CCDC33: variants seen among roughly 807,000 people sequenced by gnomAD.
CCDC33 encodes the protein coiled-coil domain containing 33, also known as coiled-coil domain-containing protein 33.
A neutral mutation model predicts 91.9 loss-of-function variants in CCDC33; 94 were observed. That is an observed-to-expected ratio of 1.02 (90% CI 0.87 to 1.21). CCDC33 has a LOEUF of 1.21. Ranked by LOEUF, CCDC33 falls within the 50% of genes most tolerant of loss-of-function variation. CCDC33 has a pLI of 0.00. For missense variants in CCDC33, 940 were observed against 935.5 expected (o/e 1.00, Z -0.06); for synonymous variants, 396 against 374.5 (o/e 1.06, Z -0.66).
intron 15 of CCDC33, 82 bp from the exon 16 acceptor site, chr15:74,332,597 A>C: frequency 2.0e-6 from 3 of 1,498,400 alleles, no homozygotes; most frequent in Non-Finnish European, 2.7e-6. Flanking sequence ...GGCAGATTGA[A>C]GCAAAATGCT....
At chr15:74,330,801 C>T in intron 13 of CCDC33, 50 bp downstream of exon 13, 1 of 1,550,464 alleles carries the variant, frequency 6.4e-7, no homozygotes, top group Non-Finnish European at 8.9e-7. Flanking sequence ...GGTGGGGGAG[C>T]ATCGGGGTGA....
intron 2 of CCDC33, among the ~76,000 whole-genome samples, chr15:74,257,108 G>C (rs934606092): frequency 2.6e-5 from 4 of 152,218 alleles, no homozygotes; most frequent in African/African-American, 9.6e-5. Context: ...TTACTCCAGA[G>C]TCAGTTATTC....
intron 2 of CCDC33, among the ~76,000 whole-genome samples, chr15:74,222,325 C>T (rs2074622049): frequency 6.6e-6 from 1 of 152,116 alleles, no homozygotes; most frequent in Non-Finnish European, 1.5e-5. Flanking sequence ...GCTCTGGGAG[C>T]CATCCTGGGG....
chr15:74,277,243 A>G (rs936053888), intron 7 of CCDC33, among the ~76,000 whole-genome samples: 1 of 152,246 alleles, frequency 6.6e-6, no homozygotes, highest in African/African-American at 2.4e-5. Context: ...AAGGCCACAC[A>G]GCAAGGTTGA....
upstream of CCDC33, among the ~76,000 whole-genome samples, chr15:74,214,284 T>G (rs748848944): frequency 6.6e-6 from 1 of 152,070 alleles, no homozygotes; most frequent in African/African-American, 2.4e-5. Context: ...AGGGCCCCAT[T>G]AAGGTCTTTC....
intron 12 of CCDC33, 98 bp downstream of exon 12, chr15:74,330,452 A>G (rs1352449420): frequency 1.5e-6 from 2 of 1,356,386 alleles, no homozygotes; most frequent in African/African-American, 2.9e-5. Flanking sequence ...CCAGATGTGC[A>G]TGCTGCTGGA....
intron 11 of CCDC33, among the ~76,000 whole-genome samples, chr15:74,296,409 G>A (rs941040621): frequency 9.9e-5 from 15 of 152,140 alleles, no homozygotes; most frequent in African/African-American, 2.7e-4. Flanking sequence ...CGGGTCACCC[G>A]AGGTCGGGAG....
intron 3 of CCDC33, 56 bp from the exon 4 acceptor site, chr15:74,266,622 G>T: frequency 8.3e-7 from 1 of 1,207,504 alleles, no homozygotes; most frequent in Non-Finnish European, 1.2e-6. Context: ...TCTCCTTACT[G>T]GGAGAGAAAG....
chr15:74,291,710 C>G (rs889922012), intron 10 of CCDC33, among the ~76,000 whole-genome samples: 21 of 152,218 alleles, frequency 1.4e-4, no homozygotes, highest in African/African-American at 5.1e-4. Flanking sequence ...CAGGCTGGAA[C>G]TGCTGCATTT....
chr15:74,332,645 C>G (rs776335248), intron 15 of CCDC33, 34 bp from the exon 16 acceptor site: 1 of 1,606,424 alleles, frequency 6.2e-7, no homozygotes, highest in South Asian at 1.1e-5. Flanking sequence ...AGCAGGAGAG[C>G]CCATCTCACC....
chr15:74,250,189 C>A (rs1409982605), intron 2 of CCDC33, among the ~76,000 whole-genome samples: 1 of 152,218 alleles, frequency 6.6e-6, no homozygotes, highest in Non-Finnish European at 1.5e-5. Context: ...TCTCCAACTG[C>A]TCTTGGTTCC....
At chr15:74,310,397 C>T (rs965177090) in intron 11 of CCDC33, among the ~76,000 whole-genome samples, 1 of 151,942 alleles carries the variant, frequency 6.6e-6, no homozygotes, top group African/African-American at 2.4e-5. Context: ...ATCAGCTGAG[C>T]GTGATGGTGC....
chr15:74,221,464 C>T (rs1237855458), intron 2 of CCDC33: 1 of 248,014 alleles, frequency 4.0e-6, no homozygotes, highest in South Asian at 1.5e-4. Context: ...CTTAAATGGC[C>T]CTGCCAATGC....
At chr15:74,334,450 C>G (rs945219134) in intron 17 of CCDC33, among the ~76,000 whole-genome samples, 1 of 151,474 alleles carries the variant, frequency 6.6e-6, no homozygotes, top group Non-Finnish European at 1.5e-5. Context: ...CAGTGTACAA[C>G]CAGGGTCAGG....
rs376212982 is a variant in CCDC33 at position 74,272,771 on chromosome 15, G to C, written c.639G>C (p.Lys213Asn). ...ARVVPNYKEF[K>N]VSQANRDLAS... Reference sequence around the variant, plus strand: ...TGACCCTGTCTCCCTGCCTCCCCAGGGTCAGCCAGGCTAACAGGGACCTGG... The same window carrying C: ...TGACCCTGTCTCCCTGCCTCCCCAGCGTCAGCCAGGCTAACAGGGACCTGG... The change falls in exon 7 of 19, where the codon AAG becomes AAC. Residue 213 changes from lysine (K) to asparagine (N), a missense_variant and splice_region_variant. By Grantham distance (94) the Lys-to-Asn change is moderately conservative. Transcript: ENST00000398814. The C allele has an allele frequency of 6.2e-7, 1 of 1,613,954 alleles. No individual in the cohort carries two copies. Among genetic ancestry groups the C allele is most frequent in the African/African-American group, 1.3e-5 (1 of 75,042 alleles).
chr15:74,217,312 T>G (rs1172943540), exon 1 of CCDC33: 2 of 1,288,300 alleles, frequency 1.6e-6, no homozygotes, highest in Non-Finnish European at 1.0e-6. Flanking sequence ...TCTGCATCCC[T>G]GCTGAGACAG....
chr15:74,256,220 C>A (rs778209465), intron 2 of CCDC33, among the ~76,000 whole-genome samples: 2 of 152,156 alleles, frequency 1.3e-5, no homozygotes, highest in African/African-American at 2.4e-5. Flanking sequence ...GTATCGGAGC[C>A]CCTCAGGAGG....
At chr15:74,214,466 G>A (rs1049569874), upstream of CCDC33, among the ~76,000 whole-genome samples, 89 of 152,120 alleles carry the variant, frequency 5.9e-4, 2 homozygotes, top group Admixed American at 5.8e-3. Flanking sequence ...TTTGAAAACC[G>A]TGGGAGGCTG....
intron 2 of CCDC33, among the ~76,000 whole-genome samples, chr15:74,222,893 C>A (rs392267): frequency 0.26 from 39,064 of 150,980 alleles, 5,570 homozygotes; most frequent in Middle Eastern, 0.37. Context: ...CCTTTAAGGC[C>A]CAAGCACTCC....
Sources: allele counts gnomAD v4.1 joint callset (sites outside exome capture counted in the v4.1 genomes callset), GRCh38; gene constraint gnomAD v4.1.1; transcripts MANE v1.5; gene names NCBI Gene and HGNC (gene_info 2026-07-23, HGNC 2026-07-21).